The following TSPAN7 variants were observed in gnomAD, a reference collection of about 807,000 sequenced individuals.
TSPAN7 encodes tetraspanin-7.
TSPAN7 carries 1 observed loss-of-function variant against 17.6 expected under a neutral mutation model. The observed-to-expected ratio is 0.06, with a 90% CI of 0.02 to 0.27. The LOEUF (loss-of-function observed/expected upper bound fraction) is 0.27, where lower values mean the gene tolerates loss of function less well. Ranked by LOEUF, TSPAN7 falls within the 10% of genes least tolerant of loss-of-function variation. The probability of loss-of-function intolerance (pLI) is 1.00; values close to 1 mark genes in which losing one functional copy is unlikely to be tolerated. For synonymous variants in TSPAN7, 78 were observed against 79.0 expected (o/e 0.99, Z 0.07); for missense variants, 112 against 201.7 (o/e 0.56, Z 2.69).
intron 6 of TSPAN7, among the ~76,000 whole-genome samples, chrX:38,684,900 T>A (rs2069917409): frequency 1.8e-5 from 2 of 111,726 alleles, no homozygotes; most frequent in African/African-American, 6.5e-5. Context: ...AGGCCAGAGA[T>A]CACCCTTGTT....
intron 1 of TSPAN7, among the ~76,000 whole-genome samples, chrX:38,605,388 C>A (rs2069373774): frequency 9.1e-6 from 1 of 110,484 alleles, no homozygotes; most frequent in Admixed American, 9.7e-5. Flanking sequence ...GAACTACAAA[C>A]CACTGCTCAA....
At chrX:38,666,609 TTTC>T (rs2069783311) in intron 2 of TSPAN7, among the ~76,000 whole-genome samples, 2 of 108,500 alleles carry the variant, frequency 1.8e-5, no homozygotes, top group African/African-American at 6.7e-5. Flanking sequence ...TTTTTTTTTT[TTTC>T]TTTTGAGATG....
chrX:38,632,760 CTTG>C (rs775280918), intron 1 of TSPAN7, among the ~76,000 whole-genome samples: 9 of 112,519 alleles, frequency 8.0e-5, no homozygotes, highest in East Asian at 2.8e-4. Flanking sequence ...TTCAGTATTA[CTTG>C]TTGTCATCAC....
At chrX:38,563,334 A>G (rs968662320) in intron 1 of TSPAN7, among the ~76,000 whole-genome samples, 17 of 111,975 alleles carry the variant, frequency 1.5e-4, no homozygotes, top group African/African-American at 5.5e-4. Context: ...AAAAAGCAGT[A>G]ACACATGCTG....
intron 1 of TSPAN7, among the ~76,000 whole-genome samples, chrX:38,577,079 T>C (rs1224646037): frequency 2.0e-4 from 22 of 111,734 alleles, no homozygotes; most frequent in Non-Finnish European, 1.9e-5. Context: ...TACTTCATGA[T>C]GTGGCAAGAA....
rs185889031 is a variant in TSPAN7, at chrX:38,670,219, A to G, written c.271-1157A>G. Among the ~76,000 whole-genome samples the G allele has an allele frequency of 1.2e-3, 131 of 112,056 alleles. 1 individual carries two copies. The highest frequency in any genetic ancestry group is 0.011 in the Admixed American group (116 of 10,582). Reference sequence around the variant, plus strand: ...CACATGCAATCTATCCAAATTCCACAGCATTGTTTAGGGCCATTGCAAATG... The same window carrying G: ...CACATGCAATCTATCCAAATTCCACGGCATTGTTTAGGGCCATTGCAAATG... On this transcript the variant is annotated intron_variant, in intron 2 of 7. Coordinates refer to ENST00000378482, the MANE Select transcript of TSPAN7 (RefSeq NM_004615.4).
intron 1 of TSPAN7, among the ~76,000 whole-genome samples, chrX:38,593,367 G>A (rs1288116419): frequency 1.8e-5 from 2 of 111,086 alleles, no homozygotes; most frequent in Admixed American, 1.9e-4. Flanking sequence ...TTTATGGAAG[G>A]ATGGTATTTA....
intron 1 of TSPAN7, among the ~76,000 whole-genome samples, chrX:38,616,764 TG>T (rs1166920865): frequency 9.0e-6 from 1 of 111,380 alleles, no homozygotes; most frequent in Non-Finnish European, 1.9e-5. Flanking sequence ...GGGCTACTCT[TG>T]CTACACAAAG....
At chrX:38,597,062 A>G (rs1364877553) in intron 1 of TSPAN7, among the ~76,000 whole-genome samples, 1 of 111,182 alleles carries the variant, frequency 9.0e-6, no homozygotes, top group Non-Finnish European at 1.9e-5. Context: ...TGAGGCCTCA[A>G]GGTAGGACAT....
intron 1 of TSPAN7, 126 bp from the exon 2 acceptor site, chrX:38,665,995 C>G: frequency 1.7e-6 from 1 of 599,925 alleles, no homozygotes; most frequent in Non-Finnish European, 2.7e-6. Context: ...TCTCGTTGCT[C>G]AGGGAATCCT....
chrX:38,663,361 A>G (rs1305856013), intron 1 of TSPAN7, among the ~76,000 whole-genome samples: 1 of 112,134 alleles, frequency 8.9e-6, no homozygotes, highest in Admixed American at 9.5e-5. Context: ...GAGAATGCAA[A>G]AAGCATAGGA....
At chrX:38,627,274 A>G (rs969525737) in intron 1 of TSPAN7, among the ~76,000 whole-genome samples, 1 of 111,306 alleles carries the variant, frequency 9.0e-6, no homozygotes, top group African/African-American at 3.3e-5. Context: ...AGCAAGGATG[A>G]CTTGTAAGTT....
At chrX:38,664,319 C>T (rs955297699) in intron 1 of TSPAN7, among the ~76,000 whole-genome samples, 4 of 112,124 alleles carry the variant, frequency 3.6e-5, no homozygotes, top group African/African-American at 1.3e-4. Flanking sequence ...TAAAAGATGG[C>T]ACAGGCACTG....
At chrX:38,640,313 C>A (rs2069605401) in intron 1 of TSPAN7, among the ~76,000 whole-genome samples, 1 of 111,633 alleles carries the variant, frequency 9.0e-6, no homozygotes, top group Non-Finnish European at 1.9e-5. Flanking sequence ...TTCTTCCTCA[C>A]CCGCTTTCAA....
At chrX:38,666,374 G>A in intron 2 of TSPAN7, 65 bp downstream of exon 2, 1 of 1,103,241 alleles carries the variant, frequency 9.1e-7, no homozygotes, top group Admixed American at 2.3e-5. Context: ...AAATTACATG[G>A]AGGTGAAGTG....
chrX:38,601,913 G>C lies in TSPAN7; in HGVS notation c.81+40286G>C, dbSNP rs780881449. On this transcript the variant is annotated intron_variant, in intron 1 of 7. Coordinates refer to ENST00000378482, the MANE Select transcript of TSPAN7 (RefSeq NM_004615.4). ...GCCAGCCTAAGCTTTTCACATCATAGCAGATGAGTTCTCAGGAATAATGAA... is the reference window on the plus strand; with the variant it reads ...GCCAGCCTAAGCTTTTCACATCATACCAGATGAGTTCTCAGGAATAATGAA... Among the ~76,000 whole-genome samples, 5 of 111,282 alleles carry C rather than the reference G, an allele frequency of 4.5e-5. No homozygotes were observed. The South Asian group carries it at 1.9e-3, about 42-fold the overall frequency.
intron 1 of TSPAN7, chrX:38,612,456 A>G (rs1268864763): frequency 1.8e-5 from 2 of 111,996 alleles, no homozygotes; most frequent in Non-Finnish European, 3.8e-5. Flanking sequence ...GGCAGCAGGC[A>G]TCTTGTGATG....
chrX:38,672,103 A>G (rs1376766424), intron 3 of TSPAN7, among the ~76,000 whole-genome samples: 2 of 111,203 alleles, frequency 1.8e-5, no homozygotes, highest in African/African-American at 6.6e-5. Context: ...ATATCTGTAT[A>G]ACAAGATTTC....
In TSPAN7 at chrX:38,646,563, C is replaced by A. The variant is rs1297893893; in HGVS notation, c.82-19558C>A. Among the ~76,000 whole-genome samples, 5 of 111,892 alleles carry A rather than the reference C, an allele frequency of 4.5e-5. No individual in the cohort carries two copies. The Admixed American group carries it at 4.7e-4, about 11-fold the overall frequency. ...ATTGCTTGGAAGAACTTGTGAAATGCCAGATAATCTTAAAGGAGGGCATCA... is the reference window on the plus strand; with the variant it reads ...ATTGCTTGGAAGAACTTGTGAAATGACAGATAATCTTAAAGGAGGGCATCA... On this transcript the variant is annotated intron_variant, in intron 1 of 7. Coordinates refer to ENST00000378482, the MANE Select transcript of TSPAN7 (RefSeq NM_004615.4).
Sources: gnomAD v4.1 joint callset for allele counts (sites outside exome capture counted in the v4.1 genomes callset) on GRCh38, gnomAD v4.1.1 for gene constraint, MANE v1.5 for transcripts, NCBI Gene and HGNC (gene_info 2026-07-23, HGNC 2026-07-21) for gene names.